The following FAM131C variants were observed in gnomAD, a reference collection of about 807,000 sequenced individuals.
FAM131C encodes the protein protein FAM131C.
A neutral mutation model predicts 29.8 loss-of-function variants in FAM131C; 14 were observed. The observed-to-expected ratio is 0.47, with a 90% CI of 0.31 to 0.73. The LOEUF is 0.73. Among genes scored for constraint, FAM131C ranks in the 30% least tolerant of loss-of-function variants. FAM131C has a pLI of 0.05. For missense variants in FAM131C, 252 were observed against 383.8 expected, an observed-to-expected ratio of 0.66 and a Z score of 2.87; for synonymous variants, 86 against 157.8, an observed-to-expected ratio of 0.54 and a Z score of 3.41.
chr1:16,073,048 G>C (rs2023770862), intron 1 of FAM131C, among the ~76,000 whole-genome samples: 1 of 152,094 alleles, frequency 6.6e-6, no homozygotes, highest in South Asian at 2.1e-4. Flanking sequence ...GGGAAAGGGA[G>C]GGTCTGCTAG....
At chr1:16,062,833 G>A (rs1168885692) in intron 2 of FAM131C, among the ~76,000 whole-genome samples, 4 of 152,322 alleles carry the variant, frequency 2.6e-5, no homozygotes, top group East Asian at 1.9e-4. Flanking sequence ...TAACAGCTCC[G>A]AACACGTCTC....
At chr1:16,064,567 G>C (rs966244087) in intron 1 of FAM131C, among the ~76,000 whole-genome samples, 6 of 152,074 alleles carry the variant, frequency 3.9e-5, no homozygotes, top group African/African-American at 1.4e-4. Context: ...GATGTGTCTT[G>C]GGCTCTGGAC....
intron 6 of FAM131C, among the ~76,000 whole-genome samples, chr1:16,059,052 C>A (rs1342209107): frequency 6.6e-6 from 1 of 151,910 alleles, no homozygotes; most frequent in Non-Finnish European, 1.5e-5. Context: ...CTCCTTGAAG[C>A]CCTCAGTAGT....
chr1:16,070,861 G>C (rs1455637735), intron 1 of FAM131C, among the ~76,000 whole-genome samples: 1 of 152,200 alleles, frequency 6.6e-6, no homozygotes, highest in Non-Finnish European at 1.5e-5. Context: ...CTAGTAAATG[G>C]TGGAGCCCTG....
intron 1 of FAM131C, among the ~76,000 whole-genome samples, chr1:16,065,051 C>G (rs549966405): frequency 4.9e-4 from 74 of 152,220 alleles, no homozygotes; most frequent in South Asian, 1.0e-3. Flanking sequence ...CAGGAGGTCT[C>G]ACCTTCCTGT....
chr1:16,063,397 C>T, intron 2 of FAM131C, 124 bp downstream of exon 2: 1 of 743,144 alleles, frequency 1.3e-6, no homozygotes, highest in Non-Finnish European at 2.3e-6. Context: ...GGCCCCTGGT[C>T]CCACAGGGAG....
Position 16,073,482 on chromosome 1 carries a change from T to C in FAM131C, c.-40A>G, listed in dbSNP as rs2023780210. The stretch of plus-strand genomic sequence containing the variant: ...GCCGGGCCGCTGCGCCCGGGGTGCG[T>C]GGGGCCGCGGGGCGTTCATGTCTCC... On this transcript the variant is annotated 5_prime_UTR_variant, in exon 1 of 7. Transcript: ENST00000375662. 6 of 1,177,266 alleles carry C rather than the reference T, an allele frequency of 5.1e-6. No homozygotes were observed. The highest frequency in any genetic ancestry group is 6.3e-6 in the Non-Finnish European group (6 of 948,492). 72.9% of individuals were successfully genotyped at this position (1,177,266 alleles called of 1,614,324 possible).
At chr1:16,062,790 G>C (rs1165773502) in intron 2 of FAM131C, among the ~76,000 whole-genome samples, 1 of 152,284 alleles carries the variant, frequency 6.6e-6, no homozygotes, top group African/African-American at 2.4e-5. Context: ...CTCTGACTTT[G>C]CCATTTCCCA....
chr1:16,060,781 G>A (rs2023582148), intron 4 of FAM131C, among the ~76,000 whole-genome samples: 1 of 152,224 alleles, frequency 6.6e-6, no homozygotes. Flanking sequence ...CAGGGTTGGG[G>A]AGAACCAGGT....
At chr1:16,066,833 C>T (rs2023689172) in intron 1 of FAM131C, among the ~76,000 whole-genome samples, 1 of 152,180 alleles carries the variant, frequency 6.6e-6, no homozygotes, top group African/African-American at 2.4e-5. Flanking sequence ...GTTGCCAATC[C>T]TGAGGTTCTG....
In FAM131C at chr1:16,073,451, C is replaced by A; in HGVS notation, c.-9G>T. The A allele has an allele frequency of 8.3e-7, 1 of 1,207,344 alleles. No individual in the cohort carries two copies. Among genetic ancestry groups the A allele is most frequent in the Non-Finnish European group, 1.0e-6 (1 of 971,844 alleles). 74.8% of individuals were successfully genotyped at this position (1,207,344 alleles called of 1,614,324 possible). ...GACACGCAGGAGCCCATCACGGGGCCGCGGGGCCGGGCCGCTGCGCCCGGG... is the reference window on the plus strand; with the variant it reads ...GACACGCAGGAGCCCATCACGGGGCAGCGGGGCCGGGCCGCTGCGCCCGGG... On this transcript the variant is annotated 5_prime_UTR_variant, in exon 1 of 7. Coordinates refer to ENST00000375662, the MANE Select transcript of FAM131C (RefSeq NM_182623.3).
chr1:16,070,901 C>T (rs1212404405), intron 1 of FAM131C, among the ~76,000 whole-genome samples: 1 of 152,254 alleles, frequency 6.6e-6, no homozygotes, highest in African/African-American at 2.4e-5. Context: ...AGCCTCTCTA[C>T]CAACTAGGCA....
intron 1 of FAM131C, among the ~76,000 whole-genome samples, chr1:16,070,304 TAATG>T (rs2023735621): frequency 1.3e-5 from 2 of 152,334 alleles, no homozygotes; most frequent in South Asian, 4.1e-4. Flanking sequence ...TAAAAATAGA[TAATG>T]AATGCAAAAT....
At chr1:16,073,388 C>A in intron 1 of FAM131C, 33 bp downstream of exon 1, 2 of 1,178,904 alleles carry the variant, frequency 1.7e-6, no homozygotes, top group South Asian at 4.3e-5. Flanking sequence ...TCCCCGGCAC[C>A]CGATCCCCCC....
chr1:16,058,922 G>T (rs1385554808), intron 6 of FAM131C, among the ~76,000 whole-genome samples: 1 of 152,240 alleles, frequency 6.6e-6, no homozygotes, highest in African/African-American at 2.4e-5. Context: ...TTAAGAGTGG[G>T]CTTGGAGCCA....
rs757167965 is a variant in FAM131C, at chr1:16,063,552, G to C, written c.107C>G (p.Pro36Arg). The change falls in exon 2 of 7, where the codon CCC becomes CGC. Residue 36 changes from proline (P) to arginine (R), a missense_variant. By Grantham distance (103) the Pro-to-Arg change is moderately radical (BLOSUM62 -2). Transcript: ENST00000375662. ...LNPDLPSGRT[P>R]TVAPDCVIGK... is the part of the protein sequence containing the mutation. ...AATGACACAGTCTGGAGCCACGGTG[G>C]GAGTGCGGCCCGAGGGCAGATCTGG... is the stretch of plus-strand genomic sequence containing the variant. 1.2e-6 allele frequency: 2 copies of C among 1,613,794 alleles called. No homozygotes were observed.
intron 1 of FAM131C, among the ~76,000 whole-genome samples, chr1:16,068,534 G>T (rs10803419): frequency 0.49 from 74,286 of 152,146 alleles, 18,948 homozygotes; most frequent in African/African-American, 0.56. Flanking sequence ...GTCCTTGGCC[G>T]CTCTGCCTGT....
chr1:16,062,205 G>A lies in FAM131C; in HGVS notation c.175-13C>T. On this transcript the variant is annotated splice_polypyrimidine_tract_variant and intron_variant, in intron 3 of 6. Coordinates refer to ENST00000375662, the MANE Select transcript of FAM131C (RefSeq NM_182623.3). ...TCTGGAAGCACCTCTGGAGGAAGTG[G>A]CAGGAGGAGTGAGCAGGGTGGGCCA... The A allele has an allele frequency of 1.9e-6, 3 of 1,608,468 alleles. No individual in the cohort carries two copies. The South Asian group carries it at 3.3e-5, about 18-fold the overall frequency.
chr1:16,066,808 CA>C (rs1464927243), intron 1 of FAM131C, among the ~76,000 whole-genome samples: 3 of 152,154 alleles, frequency 2.0e-5, no homozygotes, highest in Admixed American at 2.0e-4. Flanking sequence ...TGGGTCCAGT[CA>C]AAAAAGTTTG....
Sources: gnomAD v4.1 joint callset for allele counts (sites outside exome capture counted in the v4.1 genomes callset) on GRCh38, gnomAD v4.1.1 for gene constraint, MANE v1.5 for transcripts, NCBI Gene and HGNC (gene_info 2026-07-23, HGNC 2026-07-21) for gene names.